The following PLOD2 variants were observed in gnomAD, a reference collection of about 807,000 sequenced individuals.
The protein encoded by PLOD2 is procollagen-lysine,2-oxoglutarate 5-dioxygenase 2.
PLOD2 carries 65 observed loss-of-function variants against 101.0 expected under a neutral mutation model. The ratio of observed to expected loss-of-function variants is 0.64; its 90% confidence interval spans 0.53 to 0.79. PLOD2 has a LOEUF of 0.79. PLOD2 is among the 30% of genes least tolerant of loss of function. The pLI, the probability that PLOD2 is intolerant of heterozygous loss-of-function variation, is 0.00. For synonymous variants in PLOD2, 314 were observed against 302.9 expected (o/e 1.04, Z -0.38); for missense variants, 909 against 914.6 (o/e 0.99, Z 0.08).
At chr3:146,115,194 G>T (rs1172812204) in intron 3 of PLOD2, among the ~76,000 whole-genome samples, 1 of 152,056 alleles carries the variant, frequency 6.6e-6, no homozygotes, top group African/African-American at 2.4e-5. Context: ...AATATTGGGG[G>T]TGGTTCCCCC....
At chr3:146,149,400 C>A (rs943941457) in intron 1 of PLOD2, among the ~76,000 whole-genome samples, 4 of 151,864 alleles carry the variant, frequency 2.6e-5, no homozygotes, top group Non-Finnish European at 5.9e-5. Context: ...AAGTTTGTGT[C>A]TATGGTTCAA....
rs764056697 is a variant in PLOD2, at chr3:146,121,144, A to T, written c.306T>A (p.Asp102Glu). The T allele has an allele frequency of 1.2e-5, 20 of 1,608,972 alleles. No homozygotes were observed. Residue 102 changes from aspartate to glutamate, a missense_variant, in exon 3 of 20, where the codon GAT becomes GAA. Coordinates refer to ENST00000282903, the MANE Select transcript of PLOD2 (RefSeq NM_182943.3). Reference sequence around the variant, plus strand: ...TAAACATGACAACCAGATCATCTTGATCAGCATAGTGTTCCATGACTTCTT... The same window carrying T: ...TAAACATGACAACCAGATCATCTTGTTCAGCATAGTGTTCCATGACTTCTT... ...LMKEVMEHYA[D>E]QDDLVVMFTE... is the part of the protein sequence containing the mutation.
chr3:146,070,650 C>T lies in PLOD2; in HGVS notation c.*67G>A. 1.9e-6 allele frequency: 2 copies of T among 1,072,402 alleles called. No individual in the cohort carries two copies. Among genetic ancestry groups the T allele is most frequent in the Non-Finnish European group, 2.8e-6 (2 of 705,566 alleles). The allele number at this position is 1,072,402 out of a possible 1,614,324, so 66.4% of individuals were successfully genotyped here. ...ATTCCTCTCATCTTCTCAGCCACAA[C>T]TTCAAAGACGTGTTCATGCCAGTCA... is the stretch of plus-strand genomic sequence containing the variant. On this transcript the variant is annotated 3_prime_UTR_variant, in exon 20 of 20. Coordinates refer to ENST00000282903, the MANE Select transcript of PLOD2 (RefSeq NM_182943.3).
chr3:146,139,605 G>C (rs2031422720), intron 1 of PLOD2, among the ~76,000 whole-genome samples: 1 of 152,088 alleles, frequency 6.6e-6, no homozygotes, highest in Admixed American at 6.6e-5. Flanking sequence ...AAAGTGTAAA[G>C]CTTTTCTGCA....
At chr3:146,099,952 G>T (rs1393533492) in intron 7 of PLOD2, among the ~76,000 whole-genome samples, 2 of 141,690 alleles carry the variant, frequency 1.4e-5, no homozygotes, top group Non-Finnish European at 3.0e-5. Context: ...GCGTGATCTT[G>T]GCTCACTGCA....
intron 1 of PLOD2, among the ~76,000 whole-genome samples, chr3:146,124,588 G>A (rs570954486): frequency 2.6e-5 from 4 of 152,036 alleles, no homozygotes; most frequent in Non-Finnish European, 4.4e-5. Flanking sequence ...CAACATCATC[G>A]ATAAATCATT....
chr3:146,085,838 A>T (rs1936746678), intron 10 of PLOD2: 1 of 152,718 alleles, frequency 6.5e-6, no homozygotes, highest in Non-Finnish European at 1.5e-5. Context: ...CATTTGGGTT[A>T]TCAACTTCCC....
intron 7 of PLOD2, among the ~76,000 whole-genome samples, chr3:146,094,524 C>G (rs1305240185): frequency 6.6e-6 from 1 of 152,066 alleles, no homozygotes; most frequent in Non-Finnish European, 1.5e-5. Flanking sequence ...ATACAACATA[C>G]GAGGGACGTG....
At chr3:146,100,923 T>C (rs1263147430) in intron 7 of PLOD2, among the ~76,000 whole-genome samples, 1 of 152,146 alleles carries the variant, frequency 6.6e-6, no homozygotes, top group East Asian at 1.9e-4. Flanking sequence ...GGGGTGTGAT[T>C]GCTACTAGAA....
chr3:146,095,361 G>A (rs368396951), intron 7 of PLOD2, among the ~76,000 whole-genome samples: 7 of 145,188 alleles, frequency 4.8e-5, no homozygotes, highest in Non-Finnish European at 9.1e-5. Flanking sequence ...AAATTTACAA[G>A]AAAAAAAAAA....
intron 3 of PLOD2, 78 bp from the exon 4 acceptor site, chr3:146,110,526 C>A: frequency 5.1e-6 from 6 of 1,185,596 alleles, no homozygotes; most frequent in Non-Finnish European, 7.3e-6. Context: ...AGTTCTCTAA[C>A]AAAAGTCAGA....
chr3:146,105,913 T>G (rs539067530), intron 5 of PLOD2, among the ~76,000 whole-genome samples: 1 of 152,354 alleles, frequency 6.6e-6, no homozygotes, highest in African/African-American at 2.4e-5. Context: ...TTCACTCTGG[T>G]ATCAAATGGC....
chr3:146,111,108 T>C (rs1937623344), intron 3 of PLOD2, among the ~76,000 whole-genome samples: 1 of 152,210 alleles, frequency 6.6e-6, no homozygotes. Context: ...CTGATGACTT[T>C]CTTCCTCATG....
intron 1 of PLOD2, among the ~76,000 whole-genome samples, chr3:146,142,224 T>G (rs2031557712): frequency 6.6e-6 from 1 of 152,176 alleles, no homozygotes; most frequent in Non-Finnish European, 1.5e-5. Context: ...TAAAAGGAAC[T>G]AGTTTTTTTA....
chr3:146,123,822 G>C (rs566745515), intron 2 of PLOD2, among the ~76,000 whole-genome samples: 3 of 151,956 alleles, frequency 2.0e-5, no homozygotes, highest in African/African-American at 7.2e-5. Context: ...TGTTTGAGTG[G>C]CACAGCATTA....
Position 146,085,188 on chromosome 3 carries a change from T to C in PLOD2, c.1213A>G (p.Ile405Val). 1.9e-6 allele frequency: 3 copies of C among 1,559,010 alleles called. No homozygotes were observed. The highest frequency in any genetic ancestry group is 1.8e-6 in the Non-Finnish European group (2 of 1,131,040). The part of the protein sequence containing the change: ...VVLTNPRTLK[I>V]LIEQNRKIIA... ...AAGTACCTGTTTTGTTCAATCAAAATTTTTAAAGTCCTTGGATTTGTCAAA... is the reference window on the plus strand; with the variant it reads ...AAGTACCTGTTTTGTTCAATCAAAACTTTTAAAGTCCTTGGATTTGTCAAA... The change falls in exon 11 of 20, where the codon ATT (isoleucine) becomes GTT (valine). Residue 405 changes from isoleucine (I) to valine (V), a missense_variant. Ile to Val is a conservative substitution (Grantham distance 29). Coordinates refer to ENST00000282903, the MANE Select transcript of PLOD2 (RefSeq NM_182943.3).
At chr3:146,076,731 T>A (rs1385581940) in intron 15 of PLOD2, 51 bp downstream of exon 15, 1 of 902,404 alleles carries the variant, frequency 1.1e-6, no homozygotes, top group East Asian at 2.4e-5. Flanking sequence ...AACTGATTTA[T>A]AACCACTTAC....
chr3:146,126,243 C>A (rs1218392956), intron 1 of PLOD2, among the ~76,000 whole-genome samples: 1 of 152,036 alleles, frequency 6.6e-6, no homozygotes, highest in Non-Finnish European at 1.5e-5. Flanking sequence ...ATCACAAATA[C>A]ATAATTTTGT....
intron 7 of PLOD2, among the ~76,000 whole-genome samples, chr3:146,094,650 G>C (rs1937085524): frequency 6.6e-6 from 1 of 152,052 alleles, no homozygotes; most frequent in Non-Finnish European, 1.5e-5. Flanking sequence ...ACTGTCCAAA[G>C]TAATTTATAG....
Sources: gnomAD v4.1 joint callset for allele counts (sites outside exome capture counted in the v4.1 genomes callset) on GRCh38, gnomAD v4.1.1 for gene constraint, MANE v1.5 for transcripts, NCBI Gene and HGNC (gene_info 2026-07-23, HGNC 2026-07-21) for gene names.